The following ADAMTSL1 variants were observed in gnomAD, a reference collection of about 807,000 sequenced individuals.
The protein encoded by ADAMTSL1 is ADAMTS like 1, also known as ADAMTS-like protein 1.
ADAMTSL1 carries 126 observed loss-of-function variants against 201.8 expected under a neutral mutation model. That is an observed-to-expected ratio of 0.62 (90% CI 0.54 to 0.72). The LOEUF (loss-of-function observed/expected upper bound fraction) is 0.72. Among genes scored for constraint, ADAMTSL1 ranks in the 30% least tolerant of loss-of-function variants. The probability of loss-of-function intolerance (pLI) is 0.00; values close to 1 mark genes in which losing one functional copy is unlikely to be tolerated. For synonymous variants in ADAMTSL1, 1,121 were observed against 903.4 expected, an observed-to-expected ratio of 1.24 and a Z score of -4.32; for missense variants, 2,679 against 2,277.8, an observed-to-expected ratio of 1.18 and a Z score of -3.59.
intron 13 of ADAMTSL1, among the ~76,000 whole-genome samples, chr9:18,702,745 G>T (rs1050428538): frequency 6.6e-6 from 1 of 151,426 alleles, no homozygotes; most frequent in Non-Finnish European, 1.5e-5. Flanking sequence ...TCATCCAACA[G>T]TAGTGTTGCT....
intron 1 of ADAMTSL1, among the ~76,000 whole-genome samples, chr9:18,484,453 G>A (rs964863569): frequency 8.5e-5 from 13 of 152,120 alleles, no homozygotes; most frequent in Non-Finnish European, 1.5e-4. Flanking sequence ...TCATTTCTTT[G>A]ACTTTTGCTT....
intron 1 of ADAMTSL1, 56 bp downstream of exon 1, chr9:18,474,351 G>A: frequency 1.9e-6 from 3 of 1,567,380 alleles, no homozygotes; most frequent in Non-Finnish European, 2.6e-6. Flanking sequence ...GGGTGCTGTT[G>A]GGGGTGTGTG....
intron 15 of ADAMTSL1, among the ~76,000 whole-genome samples, chr9:18,741,942 C>A (rs1588025962): frequency 6.6e-6 from 1 of 152,208 alleles, no homozygotes; most frequent in East Asian, 1.9e-4. Flanking sequence ...CAACTCAACC[C>A]TCCTTGCAAT....
intron 1 of ADAMTSL1, among the ~76,000 whole-genome samples, chr9:18,103,356 G>C (rs940609381): frequency 6.6e-6 from 1 of 152,082 alleles, no homozygotes; most frequent in Non-Finnish European, 1.5e-5. Flanking sequence ...GTTAGAATCA[G>C]GGTTAGATAC....
At chr9:17,942,121 A>G (rs1312805146) in intron 1 of ADAMTSL1, among the ~76,000 whole-genome samples, 1 of 152,154 alleles carries the variant, frequency 6.6e-6, no homozygotes, top group East Asian at 1.9e-4. Flanking sequence ...CGTTAGAGAC[A>G]GAAAGTAGAA....
intron 1 of ADAMTSL1, among the ~76,000 whole-genome samples, chr9:18,004,482 C>T (rs1042180339): frequency 3.3e-5 from 5 of 152,086 alleles, no homozygotes; most frequent in Admixed American, 6.5e-5. Context: ...GAAGCAAAGG[C>T]GGGGACCTGC....
chr9:17,992,407 A>T (rs1050184400), intron 1 of ADAMTSL1, among the ~76,000 whole-genome samples: 16 of 152,098 alleles, frequency 1.1e-4, no homozygotes, highest in African/African-American at 3.6e-4. Context: ...TCTCTTTTTT[A>T]AAATAATTTT....
intron 20 of ADAMTSL1, among the ~76,000 whole-genome samples, chr9:18,814,850 C>G (rs1465073030): frequency 6.6e-6 from 1 of 152,092 alleles, no homozygotes; most frequent in Admixed American, 6.6e-5. Context: ...ATGTAACAAC[C>G]CTGCATATGT....
At chr9:18,071,931 A>G (rs1822988235) in intron 1 of ADAMTSL1, among the ~76,000 whole-genome samples, 2 of 152,150 alleles carry the variant, frequency 1.3e-5, no homozygotes, top group Non-Finnish European at 2.9e-5. Flanking sequence ...TTTCATCTCC[A>G]TTAGAGAGAA....
chr9:18,361,231 T>C (rs184704488), intron 2 of ADAMTSL1, among the ~76,000 whole-genome samples: 42 of 152,320 alleles, frequency 2.8e-4, no homozygotes, highest in African/African-American at 1.0e-3. Context: ...ATTTTTCGAT[T>C]ATAAGGAGCA....
At chr9:18,194,876 T>C (rs1216633303) in intron 2 of ADAMTSL1, among the ~76,000 whole-genome samples, 1 of 152,088 alleles carries the variant, frequency 6.6e-6, no homozygotes, top group African/African-American at 2.4e-5. Flanking sequence ...TGACTATCCT[T>C]TGATTAAGGT....
intron 26 of ADAMTSL1, among the ~76,000 whole-genome samples, chr9:18,896,112 A>G (rs1256047640): frequency 2.0e-5 from 3 of 152,224 alleles, no homozygotes; most frequent in African/African-American, 7.2e-5. Flanking sequence ...GTGAACCAAC[A>G]TATACATTTT....
At chr9:18,338,539 T>C (rs1835342400) in intron 2 of ADAMTSL1, among the ~76,000 whole-genome samples, 1 of 152,090 alleles carries the variant, frequency 6.6e-6, no homozygotes, top group African/African-American at 2.4e-5. Flanking sequence ...CTTGAACTCC[T>C]GGGCTCAAGC....
At chr9:18,811,129 G>A (rs1823483791) in intron 20 of ADAMTSL1, among the ~76,000 whole-genome samples, 1 of 151,450 alleles carries the variant, frequency 6.6e-6, no homozygotes, top group Non-Finnish European at 1.5e-5. Flanking sequence ...TCTACTCTAT[G>A]CTAGCCAAAT....
chr9:18,430,559 A>G (rs189684790), intron 2 of ADAMTSL1, among the ~76,000 whole-genome samples: 8 of 152,270 alleles, frequency 5.3e-5, no homozygotes, highest in Admixed American at 2.6e-4. Flanking sequence ...TATTTTGTGC[A>G]TTTAAAAGGG....
intron 2 of ADAMTSL1, among the ~76,000 whole-genome samples, chr9:18,274,152 A>G (rs1832494066): frequency 2.0e-5 from 3 of 152,270 alleles, no homozygotes; most frequent in Non-Finnish European, 4.4e-5. Context: ...GTTCTCATTC[A>G]TGCAGTTTAG....
At chr9:18,332,313 G>T (rs1286242508) in intron 2 of ADAMTSL1, among the ~76,000 whole-genome samples, 1 of 152,052 alleles carries the variant, frequency 6.6e-6, no homozygotes, top group African/African-American at 2.4e-5. Flanking sequence ...TTTAGGGATG[G>T]GTATGTTAAT....
intron 2 of ADAMTSL1, among the ~76,000 whole-genome samples, chr9:18,224,331 G>C (rs566961334): frequency 6.6e-6 from 1 of 152,098 alleles, no homozygotes; most frequent in Non-Finnish European, 1.5e-5. Flanking sequence ...GGAGTGCTGT[G>C]TCCTCACATG....
intron 1 of ADAMTSL1, among the ~76,000 whole-genome samples, chr9:18,118,839 G>A (rs549536196): frequency 6.6e-6 from 1 of 152,278 alleles, no homozygotes; most frequent in African/African-American, 2.4e-5. Context: ...CTATCCCTAA[G>A]TTGTCTAATA....
Sources: gnomAD v4.1 joint callset for allele counts (sites outside exome capture counted in the v4.1 genomes callset) on GRCh38, gnomAD v4.1.1 for gene constraint, MANE v1.5 for transcripts, NCBI Gene and HGNC (gene_info 2026-07-23, HGNC 2026-07-21) for gene names.